The following DIPK1A variants were observed in gnomAD, a reference collection of about 807,000 sequenced individuals.
DIPK1A encodes family with sequence similarity 69 member A.
Under a neutral mutation model 40.8 loss-of-function variants are expected in DIPK1A, and 27 were observed. The observed-to-expected ratio is 0.66, with a 90% confidence interval of 0.49 to 0.91. The LOEUF is 0.91. Among genes scored for constraint, DIPK1A ranks in the 40% least tolerant of loss-of-function variants. The probability of loss-of-function intolerance (pLI) is 0.00; values close to 1 mark genes in which losing one functional copy is unlikely to be tolerated. For synonymous variants in DIPK1A, 166 were observed against 171.3 expected, an observed-to-expected ratio of 0.97 and a Z score of 0.24; for missense variants, 412 against 505.7, an observed-to-expected ratio of 0.81 and a Z score of 1.78.
rs117888825 is a variant in DIPK1A, at chr1:92,846,118, G to A, written c.474+1065C>T. ...TACTGACTGTATAGAATGAGGAGGT[G>A]AACTCCCATGTACACCTCAGCCCAG... is the stretch of plus-strand genomic sequence containing the variant. On this transcript the variant is annotated intron_variant, in intron 4 of 4. Transcript: ENST00000370310. 31 of 157,412 alleles carry A rather than the reference G, an allele frequency of 2.0e-4. No individual in the cohort carries two copies. In the East Asian group the frequency reaches 5.2e-3, roughly 27 times the overall value. The allele number at this position is 157,412 out of a possible 1,614,324, so 9.8% of individuals were successfully genotyped here. A position where few individuals can be genotyped will look rare whatever the true frequency, so the allele number is the denominator to read the frequency against.
intron 1 of DIPK1A, among the ~76,000 whole-genome samples, chr1:92,898,410 A>G (rs1649272591): frequency 6.6e-6 from 1 of 152,122 alleles, no homozygotes; most frequent in Admixed American, 6.5e-5. Flanking sequence ...CCATGATCCA[A>G]ACACCTCCCA....
chr1:92,867,637 C>T (rs763576964), intron 2 of DIPK1A, among the ~76,000 whole-genome samples: 26 of 152,056 alleles, frequency 1.7e-4, no homozygotes, highest in Non-Finnish European at 3.7e-4. Flanking sequence ...TTCTGACTAG[C>T]TGGGATTATA....
intron 2 of DIPK1A, among the ~76,000 whole-genome samples, chr1:92,872,675 T>C (rs1326875520): frequency 6.6e-6 from 1 of 152,194 alleles, no homozygotes; most frequent in African/African-American, 2.4e-5. Flanking sequence ...CTGATCACCT[T>C]AACAAAATCA....
At chr1:92,876,494 AACACG>A in intron 1 of DIPK1A, 64 bp from the exon 2 acceptor site, 4 of 1,547,646 alleles carry the variant, frequency 2.6e-6, no homozygotes, top group Non-Finnish European at 2.6e-6. Context: ...AATGTCCTAG[AACACG>A]ACTTCTCACC....
At chr1:92,952,377 T>C (rs1651668416) in intron 1 of DIPK1A, among the ~76,000 whole-genome samples, 1 of 152,216 alleles carries the variant, frequency 6.6e-6, no homozygotes, top group South Asian at 2.1e-4. Flanking sequence ...GCCAGGACTT[T>C]GGGAGGCCAA....
At chr1:92,914,020 G>A (rs1649944846) in intron 1 of DIPK1A, among the ~76,000 whole-genome samples, 1 of 151,980 alleles carries the variant, frequency 6.6e-6, no homozygotes, top group Non-Finnish European at 1.5e-5. Flanking sequence ...AGAATATGCA[G>A]AGAATATAAT....
chr1:92,948,717 AT>A lies in DIPK1A; in HGVS notation c.54+12658del, dbSNP rs1325484737. On this transcript the variant is annotated intron_variant, in intron 1 of 4. Transcript: ENST00000370310. ...TATACACATATGTATATACACATAT[AT>A]TTTTTATATTTAATATATATGTATA... 5.5e-5 allele frequency among the ~76,000 whole-genome samples: 8 copies of A among 146,102 alleles called. No homozygotes were observed. In the East Asian group the frequency reaches 7.9e-4, roughly 14 times the overall value.
chr1:92,848,746 T>G (rs1270476756), intron 3 of DIPK1A, among the ~76,000 whole-genome samples: 1 of 152,204 alleles, frequency 6.6e-6, no homozygotes, highest in Non-Finnish European at 1.5e-5. Flanking sequence ...TCTGTCTCCC[T>G]CAGTGCCTCA....
intron 1 of DIPK1A, among the ~76,000 whole-genome samples, chr1:92,906,494 T>C (rs1457685186): frequency 6.6e-6 from 1 of 152,176 alleles, no homozygotes; most frequent in East Asian, 1.9e-4. Context: ...TTCTTTGAGT[T>C]TTAGTGTCTT....
At chr1:92,903,898 C>T (rs942000878) in intron 1 of DIPK1A, among the ~76,000 whole-genome samples, 8 of 152,184 alleles carry the variant, frequency 5.3e-5, no homozygotes, top group African/African-American at 1.9e-4. Context: ...ATCACCAACA[C>T]CTATTTAACT....
At chr1:92,942,961 C>G (rs1651222615) in intron 1 of DIPK1A, among the ~76,000 whole-genome samples, 1 of 152,204 alleles carries the variant, frequency 6.6e-6, no homozygotes, top group Non-Finnish European at 1.5e-5. Flanking sequence ...CTGCGCCCAG[C>G]TAATTTGTTA....
intron 2 of DIPK1A, among the ~76,000 whole-genome samples, chr1:92,870,283 T>C (rs1283173064): frequency 6.6e-6 from 1 of 152,198 alleles, no homozygotes; most frequent in Non-Finnish European, 1.5e-5. Flanking sequence ...TGGAGTGCAG[T>C]GGTGCAATCT....
intron 1 of DIPK1A, among the ~76,000 whole-genome samples, chr1:92,897,436 C>T (rs1649221017): frequency 2.0e-5 from 3 of 151,752 alleles, no homozygotes; most frequent in African/African-American, 7.3e-5. Flanking sequence ...TGTTCACACT[C>T]ATAGGTGGGA....
downstream of DIPK1A, chr1:92,837,756 C>A: frequency 1.3e-6 from 1 of 783,840 alleles, no homozygotes; most frequent in South Asian, 1.6e-5. Flanking sequence ...CTAGACTTGT[C>A]AACATTCTTT....
chr1:92,947,387 C>T (rs1344746181), intron 1 of DIPK1A, among the ~76,000 whole-genome samples: 1 of 152,068 alleles, frequency 6.6e-6, no homozygotes, highest in Non-Finnish European at 1.5e-5. Flanking sequence ...ATCAAAACTA[C>T]AATGAGCTAT....
At chr1:92,849,298 T>G (rs1360485485) in intron 3 of DIPK1A, among the ~76,000 whole-genome samples, 2 of 152,108 alleles carry the variant, frequency 1.3e-5, no homozygotes, top group Non-Finnish European at 2.9e-5. Flanking sequence ...CCTGTCCCTC[T>G]GGAATCATGT....
chr1:92,852,258 G>C (rs576901116), intron 2 of DIPK1A, among the ~76,000 whole-genome samples: 2 of 152,314 alleles, frequency 1.3e-5, no homozygotes, highest in African/African-American at 4.8e-5. Context: ...CAGCACTTTG[G>C]GGGGCCGAGG....
At chr1:92,859,491 GCA>G (rs773903778) in intron 2 of DIPK1A, among the ~76,000 whole-genome samples, 5 of 152,098 alleles carry the variant, frequency 3.3e-5, no homozygotes, top group Non-Finnish European at 7.3e-5. Flanking sequence ...GAATTCCTCA[GCA>G]CACACAGTTT....
chr1:92,916,272 A>G (rs1478453702), intron 1 of DIPK1A, among the ~76,000 whole-genome samples: 6 of 72,670 alleles, frequency 8.3e-5, no homozygotes, highest in African/African-American at 2.7e-4. Context: ...TAAAGCTCTT[A>G]AAAAAATGAT....
Sources: gnomAD v4.1 joint callset for allele counts (sites outside exome capture counted in the v4.1 genomes callset) on GRCh38, gnomAD v4.1.1 for gene constraint, MANE v1.5 for transcripts, NCBI Gene and HGNC (gene_info 2026-07-23, HGNC 2026-07-21) for gene names.